Variants in FBXO11 observed in about 807,000 individuals in gnomAD.
FBXO11 encodes F-box only protein 11.
A neutral mutation model predicts 117.0 loss-of-function variants in FBXO11; 13 were observed. The observed-to-expected ratio is 0.11, with a 90% CI of 0.07 to 0.18. The LOEUF is 0.18. Ranked by LOEUF, FBXO11 falls within the 10% of genes least tolerant of loss-of-function variation. The pLI, the probability that FBXO11 is intolerant of heterozygous loss-of-function variation, is 1.00. For missense variants in FBXO11, 767 were observed against 1,164.4 expected (o/e 0.66, Z 4.97); for synonymous variants, 490 against 380.5 (o/e 1.29, Z -3.35).
chr2:47,825,532 G>C (rs996361187), intron 11 of FBXO11, among the ~76,000 whole-genome samples: 1 of 147,824 alleles, frequency 6.8e-6, no homozygotes. Context: ...TCTCTGCCAA[G>C]AGTTGAATGA....
chr2:47,829,743 G>A (rs1276956364), intron 11 of FBXO11, among the ~76,000 whole-genome samples: 3 of 151,946 alleles, frequency 2.0e-5, no homozygotes, highest in Admixed American at 1.3e-4. Flanking sequence ...AAGACACATG[G>A]TAAAATATTT....
intron 3 of FBXO11, 128 bp from the exon 4 acceptor site, chr2:47,839,131 G>A (rs1672824668): frequency 3.4e-6 from 3 of 890,626 alleles, no homozygotes; most frequent in South Asian, 4.1e-5. Flanking sequence ...ATAAGCATGT[G>A]GGTTTCATGG....
chr2:47,854,724 G>A (rs1342729651), intron 1 of FBXO11, among the ~76,000 whole-genome samples: 2 of 152,160 alleles, frequency 1.3e-5, no homozygotes, highest in African/African-American at 4.8e-5. Context: ...AGGGAGGAAT[G>A]AGAATTTGCA....
chr2:47,894,902 G>A (rs867938227), intron 1 of FBXO11, among the ~76,000 whole-genome samples: 1 of 152,146 alleles, frequency 6.6e-6, no homozygotes, highest in African/African-American at 2.4e-5. Flanking sequence ...GTTTTTTGTG[G>A]AAAAGGTTAA....
chr2:47,846,257 T>C (rs1489601599), intron 1 of FBXO11, among the ~76,000 whole-genome samples: 9 of 152,168 alleles, frequency 5.9e-5, no homozygotes, highest in Admixed American at 5.9e-4. Flanking sequence ...CATCTGAGGT[T>C]GGGAGTTCTA....
At chr2:47,880,257 A>C (rs902586874) in intron 1 of FBXO11, among the ~76,000 whole-genome samples, 1 of 152,196 alleles carries the variant, frequency 6.6e-6, no homozygotes, top group African/African-American at 2.4e-5. Flanking sequence ...TTGGCCTCCC[A>C]GAGTGCCCTG....
At chr2:47,901,920 T>C (rs1239109824) in intron 1 of FBXO11, among the ~76,000 whole-genome samples, 3 of 152,184 alleles carry the variant, frequency 2.0e-5, no homozygotes, top group African/African-American at 4.8e-5. Context: ...TATTACCGAA[T>C]TGTCACTGCG....
chr2:47,904,423 C>T (rs1210314511), intron 1 of FBXO11, among the ~76,000 whole-genome samples: 1 of 152,202 alleles, frequency 6.6e-6, no homozygotes, highest in African/African-American at 2.4e-5. Context: ...CCACATCATC[C>T]AAGTAGAACT....
In FBXO11 at chr2:47,829,368, G is replaced by A. The variant is rs562588550; in HGVS notation, c.1398+2981C>T. On this transcript the variant is annotated intron_variant, in intron 11 of 22. Transcript: ENST00000403359. ...CGATTCTCTTGCCTTAGCCTCTCGA[G>A]TAGCTGGGACTTGAGGCGTGCACCA... Among the ~76,000 whole-genome samples the A allele has an allele frequency of 4.1e-4, 63 of 152,136 alleles. 1 individual carries two copies. In the South Asian group the frequency reaches 0.011, roughly 28 times the overall value.
chr2:47,880,047 G>A (rs1676323861), intron 1 of FBXO11, among the ~76,000 whole-genome samples: 1 of 151,800 alleles, frequency 6.6e-6, no homozygotes, highest in African/African-American at 2.4e-5. Context: ...CCAGGTTGGA[G>A]TGTAGTGGTG....
intron 1 of FBXO11, among the ~76,000 whole-genome samples, chr2:47,854,017 T>C (rs1674082462): frequency 6.6e-6 from 1 of 152,226 alleles, no homozygotes; most frequent in Non-Finnish European, 1.5e-5. Flanking sequence ...TACTGTTCCC[T>C]TTAAAGTATC....
intron 21 of FBXO11, chr2:47,808,650 A>G (rs935328478): frequency 2.2e-6 from 1 of 444,924 alleles, no homozygotes; most frequent in African/African-American, 2.0e-5. Flanking sequence ...AATTGTATAA[A>G]GGCAGTTCTT....
At chr2:47,896,326 T>C (rs1677660843) in intron 1 of FBXO11, among the ~76,000 whole-genome samples, 1 of 144,126 alleles carries the variant, frequency 6.9e-6, no homozygotes, top group Admixed American at 6.9e-5. Context: ...AAATTGTTTC[T>C]TTTCTTTTTT....
chr2:47,810,235 G>A (rs1670523477), intron 19 of FBXO11, 81 bp downstream of exon 19: 3 of 923,618 alleles, frequency 3.2e-6, no homozygotes, highest in Non-Finnish European at 4.8e-6. Flanking sequence ...TAGTTAATAA[G>A]CAAAACAAAA....
intron 4 of FBXO11, among the ~76,000 whole-genome samples, chr2:47,838,227 T>C (rs900326429): frequency 3.3e-5 from 5 of 152,058 alleles, no homozygotes; most frequent in African/African-American, 1.2e-4. Context: ...AGCAAGACCC[T>C]GTCTCTCAAA....
chr2:47,900,016 G>T (rs1161256763), intron 1 of FBXO11, among the ~76,000 whole-genome samples: 1 of 152,048 alleles, frequency 6.6e-6, no homozygotes, highest in Non-Finnish European at 1.5e-5. Context: ...AACTACTTGT[G>T]GTTCCTGCCT....
chr2:47,858,717 A>G (rs1674512627), intron 1 of FBXO11, among the ~76,000 whole-genome samples: 1 of 151,116 alleles, frequency 6.6e-6, no homozygotes, highest in Admixed American at 6.6e-5. Context: ...AAAAATGAAA[A>G]ACATAATACA....
At chr2:47,814,995 TGCA>T (rs940037189) in intron 16 of FBXO11, among the ~76,000 whole-genome samples, 30 of 152,334 alleles carry the variant, frequency 2.0e-4, no homozygotes, top group African/African-American at 6.0e-4. Flanking sequence ...ATCATGAGGT[TGCA>T]GCAATTCAGT....
chr2:47,884,740 G>A (rs1284724573), intron 1 of FBXO11, among the ~76,000 whole-genome samples: 1 of 152,128 alleles, frequency 6.6e-6, no homozygotes, highest in Non-Finnish European at 1.5e-5. Context: ...TTACATGGGA[G>A]ATGATTATTG....
Sources: gnomAD v4.1 joint callset for allele counts (sites outside exome capture counted in the v4.1 genomes callset) on GRCh38, gnomAD v4.1.1 for gene constraint, MANE v1.5 for transcripts, NCBI Gene and HGNC (gene_info 2026-07-23, HGNC 2026-07-21) for gene names.